Variants in NXPH1 observed in about 807,000 individuals in gnomAD.
NXPH1 encodes neurexophilin-1.
Under a neutral mutation model 23.7 loss-of-function variants are expected in NXPH1, and 5 were observed. The observed-to-expected ratio is 0.21, with a 90% CI of 0.11 to 0.44. The LOEUF (loss-of-function observed/expected upper bound fraction) is 0.44. NXPH1 is among the 20% of genes least tolerant of loss of function. The probability of loss-of-function intolerance (pLI) is 0.99; values close to 1 mark genes in which losing one functional copy is unlikely to be tolerated. For synonymous variants in NXPH1, 144 were observed against 122.2 expected, an observed-to-expected ratio of 1.18 and a Z score of -1.18; for missense variants, 324 against 321.6, an observed-to-expected ratio of 1.01 and a Z score of -0.06.
At chr7:8,480,686 C>G (rs1326250815) in intron 2 of NXPH1, among the ~76,000 whole-genome samples, 1 of 152,124 alleles carries the variant, frequency 6.6e-6, no homozygotes, top group Non-Finnish European at 1.5e-5. Flanking sequence ...TTTCCAGAAC[C>G]TAGAGTTGAT....
intron 2 of NXPH1, among the ~76,000 whole-genome samples, chr7:8,563,019 C>T (rs1818474726): frequency 6.6e-6 from 1 of 151,590 alleles, no homozygotes; most frequent in African/African-American, 2.4e-5. Flanking sequence ...TGAATTCTAA[C>T]CTATAAGCAT....
At chr7:8,713,859 G>A (rs182713674) in intron 2 of NXPH1, among the ~76,000 whole-genome samples, 65 of 152,300 alleles carry the variant, frequency 4.3e-4, no homozygotes, top group Non-Finnish European at 8.2e-4. Flanking sequence ...GCTTGGGAAG[G>A]GGTGAACACA....
chr7:8,446,843 T>A (rs1263604575), intron 2 of NXPH1, among the ~76,000 whole-genome samples: 1 of 152,118 alleles, frequency 6.6e-6, no homozygotes. Context: ...TTAAAAATCA[T>A]GGTGACATTT....
At chr7:8,516,726 C>A (rs910040090) in intron 2 of NXPH1, among the ~76,000 whole-genome samples, 1 of 152,068 alleles carries the variant, frequency 6.6e-6, no homozygotes, top group Non-Finnish European at 1.5e-5. Flanking sequence ...GAGTTTAGAA[C>A]TTTAGTGAGA....
intron 2 of NXPH1, among the ~76,000 whole-genome samples, chr7:8,463,420 C>T (rs1816727125): frequency 6.6e-6 from 1 of 151,598 alleles, no homozygotes; most frequent in African/African-American, 2.4e-5. Context: ...GCAATGACTA[C>T]ATATACACTC....
chr7:8,449,487 T>G (rs1265756397), intron 2 of NXPH1, among the ~76,000 whole-genome samples: 1 of 152,218 alleles, frequency 6.6e-6, no homozygotes, highest in Non-Finnish European at 1.5e-5. Flanking sequence ...AATGACCCTA[T>G]AAGATGACAT....
chr7:8,457,598 G>A (rs1002098983), intron 2 of NXPH1, among the ~76,000 whole-genome samples: 4 of 150,838 alleles, frequency 2.7e-5, no homozygotes, highest in African/African-American at 7.4e-5. Context: ...CAGAAGGCAG[G>A]TAAGACAACT....
chr7:8,483,357 G>C (rs530581155), intron 2 of NXPH1, among the ~76,000 whole-genome samples: 1 of 151,964 alleles, frequency 6.6e-6, no homozygotes, highest in African/African-American at 2.4e-5. Flanking sequence ...AAAAGACAGG[G>C]TATTGTTCAG....
chr7:8,517,770 T>C (rs1817709403), intron 2 of NXPH1, among the ~76,000 whole-genome samples: 2 of 152,148 alleles, frequency 1.3e-5, no homozygotes, highest in African/African-American at 4.8e-5. Flanking sequence ...CTTGGGACAT[T>C]TACAGAGGCA....
intron 2 of NXPH1, among the ~76,000 whole-genome samples, chr7:8,525,548 C>T (rs1473949099): frequency 4.6e-5 from 7 of 152,140 alleles, no homozygotes; most frequent in African/African-American, 1.7e-4. Context: ...TCACCGCGGT[C>T]CCCTCCCATC....
chr7:8,608,770 G>T (rs188764177), intron 2 of NXPH1, among the ~76,000 whole-genome samples: 5 of 151,888 alleles, frequency 3.3e-5, no homozygotes, highest in Non-Finnish European at 5.9e-5. Flanking sequence ...TCCATTTTTC[G>T]TGTGATATGA....
rs565904565 is a variant in NXPH1 at position 8,491,512 on chromosome 7, C to A, written c.54+55745C>A. Among the ~76,000 whole-genome samples the A allele has an allele frequency of 2.0e-5, 3 of 152,114 alleles. No homozygotes were observed. In the South Asian group the frequency reaches 6.2e-4, roughly 31 times the overall value. On this transcript the variant is annotated intron_variant, in intron 2 of 2. Transcript: ENST00000405863. ...ATATTGATAATCCCAGATTACATCA[C>A]GATCTCCATTTGATTTTGATTGTAA...
intron 2 of NXPH1, among the ~76,000 whole-genome samples, chr7:8,504,850 C>T (rs74818013): frequency 6.6e-6 from 1 of 152,062 alleles, no homozygotes; most frequent in African/African-American, 2.4e-5. Context: ...AACCAGGAAG[C>T]AGATCCTCAC....
chr7:8,548,828 C>T (rs1019881431), intron 2 of NXPH1, among the ~76,000 whole-genome samples: 1 of 151,520 alleles, frequency 6.6e-6, no homozygotes, highest in African/African-American at 2.4e-5. Flanking sequence ...TCAATAAATA[C>T]TGGCACTTAC....
chr7:8,638,051 T>G (rs1285525817), intron 2 of NXPH1, among the ~76,000 whole-genome samples: 1 of 152,090 alleles, frequency 6.6e-6, no homozygotes, highest in Non-Finnish European at 1.5e-5. Context: ...TAAAAATGGA[T>G]GTGGTGCAGG....
At chr7:8,722,472 G>A (rs943021142) in intron 2 of NXPH1, among the ~76,000 whole-genome samples, 1 of 152,122 alleles carries the variant, frequency 6.6e-6, no homozygotes, top group African/African-American at 2.4e-5. Context: ...TAAAAGCCTG[G>A]GAAGATCTGT....
chr7:8,437,665 T>C (rs1476125606), intron 2 of NXPH1, among the ~76,000 whole-genome samples: 2 of 152,238 alleles, frequency 1.3e-5, no homozygotes, highest in Non-Finnish European at 2.9e-5. Context: ...GTTAAACCGT[T>C]TTCCACTCAT....
At chr7:8,459,656 G>A (rs1816658863) in intron 2 of NXPH1, among the ~76,000 whole-genome samples, 1 of 152,082 alleles carries the variant, frequency 6.6e-6, no homozygotes, top group Non-Finnish European at 1.5e-5. Context: ...TTCCACTGTG[G>A]GTCCTCAAGA....
chr7:8,540,015 T>G (rs1017809008), intron 2 of NXPH1, among the ~76,000 whole-genome samples: 2 of 151,856 alleles, frequency 1.3e-5, no homozygotes, highest in African/African-American at 4.8e-5. Flanking sequence ...TTTGATAGTC[T>G]CATTTAGTGG....
Sources: gnomAD v4.1 joint callset for allele counts (sites outside exome capture counted in the v4.1 genomes callset) on GRCh38, gnomAD v4.1.1 for gene constraint, MANE v1.5 for transcripts, NCBI Gene and HGNC (gene_info 2026-07-23, HGNC 2026-07-21) for gene names.